DDB2: variants seen among roughly 807,000 people sequenced by gnomAD.
The protein encoded by DDB2 is damage specific DNA binding protein 2.
A neutral mutation model predicts 50.5 loss-of-function variants in DDB2; 27 were observed. That is an observed-to-expected ratio of 0.53 (90% CI 0.39 to 0.74). The LOEUF (loss-of-function observed/expected upper bound fraction) is 0.74, where lower values mean the gene tolerates loss of function less well. Among genes scored for constraint, DDB2 ranks in the 30% least tolerant of loss-of-function variants. The probability of loss-of-function intolerance (pLI) is 0.00; values close to 1 mark genes in which losing one functional copy is unlikely to be tolerated. For synonymous variants in DDB2, 176 were observed against 205.5 expected (o/e 0.86, Z 1.23); for missense variants, 424 against 545.6 (o/e 0.78, Z 2.22).
intron 3 of DDB2, among the ~76,000 whole-genome samples, chr11:47,225,330 C>T (rs901732727): frequency 3.3e-5 from 5 of 151,062 alleles, no homozygotes; most frequent in East Asian, 1.9e-4. Context: ...CAGTGGCTCA[C>T]GCCTGTAATC....
In DDB2 at chr11:47,217,114, A is replaced by G. The variant is rs326211; in HGVS notation, c.456+65A>G. The G allele has an allele frequency of 1, 1,426,961 of 1,428,112 alleles. 712,909 individuals are homozygous for G. Among genetic ancestry groups the G allele is most frequent in the South Asian group, 1 (85,095 of 85,096 alleles). 88.5% of individuals were successfully genotyped at this position (1,428,112 alleles called of 1,614,324 possible). ...TTGTTGGCTGGGTGCAGTGGTTCGC[A>G]CCTGTAATCCCAGCACTTTGGGAGG... On this transcript the variant is annotated intron_variant, in intron 3 of 9. Transcript: ENST00000256996.
chr11:47,215,380 C>T (rs1953385895), intron 1 of DDB2, 117 bp downstream of exon 1: 4 of 1,509,180 alleles, frequency 2.7e-6, no homozygotes. Flanking sequence ...ACGGGTGCCT[C>T]CGGCTGTGCA....
chr11:47,215,979 G>T (rs1178963179), intron 1 of DDB2: 2 of 383,456 alleles, frequency 5.2e-6, no homozygotes, highest in Admixed American at 3.8e-5. Flanking sequence ...CATTATATGT[G>T]ATTTATAAAA....
chr11:47,226,354 C>A (rs919181695), intron 3 of DDB2, among the ~76,000 whole-genome samples: 2 of 151,820 alleles, frequency 1.3e-5, no homozygotes, highest in Admixed American at 1.3e-4. Context: ...CAGCTTACTG[C>A]AACCTCTGCC....
intron 3 of DDB2, among the ~76,000 whole-genome samples, chr11:47,227,099 CTTTTTTTTTTT>C (rs34243882): frequency 3.1e-5 from 1 of 32,146 alleles, no homozygotes; most frequent in East Asian, 1.2e-3. Context: ...GGATATTAAC[CTTTTTTTTTTT>C]TTTTTTTTTT....
In DDB2 at chr11:47,219,356, T is replaced by C. The variant is rs146719572; in HGVS notation, c.456+2307T>C. Among the ~76,000 whole-genome samples the C allele has an allele frequency of 1.8e-4, 27 of 151,438 alleles. 2 individuals are homozygous for C. Among genetic ancestry groups the C allele is most frequent in the African/African-American group, 5.8e-4 (24 of 41,294 alleles). ...AAATTGTGTAAGCAGTCTCCAGAAC[T>C]TCATTATTTTTTTTTATTTTTATTT... On this transcript the variant is annotated intron_variant, in intron 3 of 9. Transcript: ENST00000256996.
At chr11:47,233,090 C>T (rs1333218325) in intron 4 of DDB2, 131 bp downstream of exon 4, 1 of 1,101,558 alleles carries the variant, frequency 9.1e-7, no homozygotes, top group East Asian at 2.4e-5. Context: ...ACTTTCCGCC[C>T]TTCTTTCTCT....
intron 3 of DDB2, among the ~76,000 whole-genome samples, chr11:47,225,266 A>G (rs935734839): frequency 6.6e-6 from 1 of 151,828 alleles, no homozygotes; most frequent in Non-Finnish European, 1.5e-5. Flanking sequence ...AAAAAAAAAA[A>G]AAAAACTCTA....
intron 4 of DDB2, among the ~76,000 whole-genome samples, chr11:47,234,127 G>A (rs1002606123): frequency 6.6e-6 from 1 of 152,142 alleles, no homozygotes; most frequent in African/African-American, 2.4e-5. Flanking sequence ...GTTCAGAAGG[G>A]GGCAGAAGTG....
At chr11:47,221,405 C>T (rs2135491391) in intron 3 of DDB2, among the ~76,000 whole-genome samples, 1 of 151,966 alleles carries the variant, frequency 6.6e-6, no homozygotes, top group East Asian at 2.0e-4. Flanking sequence ...TCCCGAGTAG[C>T]TGGGATTACA....
chr11:47,217,112 G>A (rs4647711), intron 3 of DDB2, 63 bp downstream of exon 3: 14 of 1,479,000 alleles, frequency 9.5e-6, no homozygotes, highest in Admixed American at 3.5e-5. Flanking sequence ...GCAGTGGTTC[G>A]CACCTGTAAT....
At chr11:47,233,844 C>T (rs1005620079) in intron 4 of DDB2, among the ~76,000 whole-genome samples, 4 of 152,108 alleles carry the variant, frequency 2.6e-5, no homozygotes, top group Admixed American at 1.3e-4. Flanking sequence ...TGGGCTGTCC[C>T]GCAGGGATGA....
intron 3 of DDB2, among the ~76,000 whole-genome samples, chr11:47,231,127 A>AAG (rs1953642523): frequency 6.6e-6 from 1 of 150,926 alleles, no homozygotes. Context: ...CTCAAAAAAA[A>AAG]AAAAAAAAAA....
chr11:47,227,099 C>CTTT (rs34243882), intron 3 of DDB2, among the ~76,000 whole-genome samples: 5,423 of 32,146 alleles, frequency 0.17, 1,673 homozygotes, highest in Non-Finnish European at 0.19. Context: ...GGATATTAAC[C>CTTT]TTTTTTTTTT....
rs4647722 is a variant in DDB2 at position 47,223,655 on chromosome 11, G to A, written c.456+6606G>A. 4.1e-3 allele frequency among the ~76,000 whole-genome samples: 616 copies of A among 151,644 alleles called. 7 individuals are homozygous for A. The highest frequency in any genetic ancestry group is 0.01 in the Middle Eastern group (3 of 288). ...AAATTAGCCAGGCGTGGTGGTGGGCGCCTGTAGTCCCAGCTACTTGGGAGG... is the reference window on the plus strand; with the variant it reads ...AAATTAGCCAGGCGTGGTGGTGGGCACCTGTAGTCCCAGCTACTTGGGAGG... On this transcript the variant is annotated intron_variant, in intron 3 of 9. Transcript: ENST00000256996.
chr11:47,236,832 C>T (rs1953732287), intron 7 of DDB2, among the ~76,000 whole-genome samples: 3 of 152,234 alleles, frequency 2.0e-5, no homozygotes, highest in Non-Finnish European at 4.4e-5. Context: ...ATCCATCTGT[C>T]TGCATGTCCC....
At chr11:47,230,221 G>A (rs1229905638) in intron 3 of DDB2, among the ~76,000 whole-genome samples, 6 of 151,824 alleles carry the variant, frequency 4.0e-5, no homozygotes, top group Non-Finnish European at 8.8e-5. Flanking sequence ...GATTGCTTGA[G>A]CCCAGGAGGT....
intron 3 of DDB2, among the ~76,000 whole-genome samples, chr11:47,226,358 C>G (rs564337726): frequency 1.8e-4 from 27 of 151,792 alleles, no homozygotes; most frequent in African/African-American, 6.0e-4. Context: ...TTACTGCAAC[C>G]TCTGCCTCCT....
In DDB2 at chr11:47,234,890, C is replaced by T; in HGVS notation, c.836C>T (p.Ala279Val). 1.9e-6 allele frequency: 3 copies of T among 1,614,236 alleles called. No homozygotes were observed. Among genetic ancestry groups the T allele is most frequent in the Non-Finnish European group, 1.7e-6 (2 of 1,180,034 alleles). The change falls in exon 6 of 10, where the codon GCC becomes GTC. Residue 279 changes from alanine (A) to valine (V), a missense_variant. Physicochemically the swap from Ala to Val is moderately conservative, Grantham distance 64. Transcript: ENST00000256996. ...GACCTGCGCCAGGTTAGAGGGAAAG[C>T]CAGCTTCCTCTACTCGCTGCCGCAC... ...IWDLRQVRGKASFLYSLPHRH... is the reference protein window; with the variant it reads ...IWDLRQVRGKVSFLYSLPHRH...
Sources: allele counts gnomAD v4.1 joint callset (sites outside exome capture counted in the v4.1 genomes callset), GRCh38; gene constraint gnomAD v4.1.1; transcripts MANE v1.5; gene names NCBI Gene and HGNC (gene_info 2026-07-23, HGNC 2026-07-21).